Variants in FGF13 observed in about 807,000 individuals in gnomAD.
FGF13 encodes the protein fibroblast growth factor 13.
Under a neutral mutation model 19.5 loss-of-function variants are expected in FGF13, and 2 were observed. That is an observed-to-expected ratio of 0.10 (90% confidence interval 0.04 to 0.32). FGF13 has a LOEUF of 0.32. Ranked by LOEUF, FGF13 falls within the 10% of genes least tolerant of loss-of-function variation. The pLI is 1.00. For synonymous variants in FGF13, 72 were observed against 76.9 expected, an observed-to-expected ratio of 0.94 and a Z score of 0.33; for missense variants, 113 against 192.7, an observed-to-expected ratio of 0.59 and a Z score of 2.45.
intron 2 of FGF13, among the ~76,000 whole-genome samples, chrX:138,703,926 C>T (rs923345778): frequency 2.7e-5 from 3 of 111,008 alleles, no homozygotes; most frequent in African/African-American, 9.8e-5. Flanking sequence ...GTTGGTCAGG[C>T]TGGTCTCGAA....
chrX:138,826,000 G>A (rs1268426103), intron 3 of FGF13, among the ~76,000 whole-genome samples: 1 of 111,399 alleles, frequency 9.0e-6, no homozygotes, highest in Non-Finnish European at 1.9e-5. Context: ...CTATGAGGAC[G>A]TCTAGACCTC....
At chrX:138,987,919 G>A (rs2092000324) in intron 1 of FGF13, among the ~76,000 whole-genome samples, 1 of 111,807 alleles carries the variant, frequency 8.9e-6, no homozygotes, top group Admixed American at 9.5e-5. Flanking sequence ...ACAATACCTT[G>A]GAGGATAGGA....
chrX:138,717,159 C>T (rs1015326950), intron 1 of FGF13, among the ~76,000 whole-genome samples: 7 of 111,749 alleles, frequency 6.3e-5, no homozygotes, highest in Admixed American at 2.9e-4. Flanking sequence ...GCTGCAACAT[C>T]GAGAGTTCAA....
At chrX:138,640,668 C>T (rs939746445) in intron 3 of FGF13, among the ~76,000 whole-genome samples, 2 of 112,209 alleles carry the variant, frequency 1.8e-5, no homozygotes, top group Non-Finnish European at 3.8e-5. Context: ...GCTAAAATAT[C>T]TGTAAAACAT....
At chrX:138,706,320 G>A (rs747565942) in intron 2 of FGF13, among the ~76,000 whole-genome samples, 14 of 112,012 alleles carry the variant, frequency 1.2e-4, no homozygotes, top group African/African-American at 4.2e-4. Context: ...AATTTACAAT[G>A]GCTGATTTCC....
Position 138,626,039 on chromosome X carries a change from G to T in FGF13, c.*6811C>A, listed in dbSNP as rs1029287112. The T allele has an allele frequency of 3.4e-4, 38 of 110,405 alleles. No individual in the cohort carries two copies. The highest frequency in any genetic ancestry group is 1.3e-3 in the African/African-American group (37 of 29,386). The allele number at this position is 110,405 out of a possible 1,213,427, so 9.1% of individuals were successfully genotyped here. A position where few individuals can be genotyped will look rare whatever the true frequency, so the allele number is the denominator to read the frequency against. On this transcript the variant is annotated 3_prime_UTR_variant, in exon 5 of 5. Transcript: ENST00000315930. ...AAGGTTGTGAATCATACTTTGCTCA[G>T]AGTCTATTTTCTTTCTTTCATTTTG...
At chrX:138,827,366 G>A in intron 3 of FGF13, among the ~76,000 whole-genome samples, 1 of 111,694 alleles carries the variant, frequency 9.0e-6, no homozygotes, top group Non-Finnish European at 1.9e-5. Flanking sequence ...CTGTGGAAAT[G>A]ATTTTATATA....
At position 138,827,145 on chromosome X, in the gene FGF13, T is replaced by C. The variant is rs906469777; in HGVS notation, c.217+30367A>G. 6.2e-5 allele frequency among the ~76,000 whole-genome samples: 7 copies of C among 112,260 alleles called. No homozygotes were observed. The Admixed American group carries it at 6.6e-4, about 11-fold the overall frequency. The stretch of plus-strand genomic sequence containing the variant: ...TTTGTATCCAAGATAGAAAAAGGCA[T>C]TGAGAAGCAACTCCCTGGAAACTTC... On this transcript the variant is annotated intron_variant, in intron 3 of 6. Transcript: ENST00000436198.
At chrX:138,684,405 T>C in intron 3 of FGF13, among the ~76,000 whole-genome samples, 1 of 111,686 alleles carries the variant, frequency 9.0e-6, no homozygotes, top group East Asian at 2.8e-4. Flanking sequence ...TCTCTTATTA[T>C]GTGAAAGAGA....
At chrX:139,013,532 A>ATATAT (rs2092140356) in intron 1 of FGF13, among the ~76,000 whole-genome samples, 1 of 84,523 alleles carries the variant, frequency 1.2e-5, no homozygotes, top group African/African-American at 4.8e-5. Context: ...TATATATATA[A>ATATAT]AATGAAATAC....
intron 3 of FGF13, among the ~76,000 whole-genome samples, chrX:138,656,290 A>T (rs753481978): frequency 8.9e-6 from 1 of 111,939 alleles, no homozygotes; most frequent in East Asian, 2.8e-4. Flanking sequence ...GCTCAGTCAT[A>T]ATAATGGATA....
intron 3 of FGF13, among the ~76,000 whole-genome samples, chrX:138,832,827 T>G (rs1402494606): frequency 8.9e-6 from 1 of 112,290 alleles, no homozygotes; most frequent in East Asian, 2.8e-4. Flanking sequence ...CCTTCTTCAG[T>G]TGATTTTTGT....
intron 1 of FGF13, among the ~76,000 whole-genome samples, chrX:138,976,111 G>A (rs57917793): frequency 5.4e-5 from 6 of 111,437 alleles, no homozygotes; most frequent in Non-Finnish European, 9.4e-5. Context: ...TTTGTTATGC[G>A]CTGGACTCGG....
chrX:139,123,324 A>G lies in FGF13; in HGVS notation c.-113+80092T>C, dbSNP rs755914532. Among the ~76,000 whole-genome samples, 7 of 111,884 alleles carry G rather than the reference A, an allele frequency of 6.3e-5. No homozygotes were observed. In the South Asian group the frequency reaches 1.5e-3, roughly 24 times the overall value. Reference sequence around the variant, plus strand: ...TGCTCGCGTTCTTACCATGGCTTACAAGACCCTACAAGATCTGGCCTCTGC... The same window carrying G: ...TGCTCGCGTTCTTACCATGGCTTACGAGACCCTACAAGATCTGGCCTCTGC... On this transcript the variant is annotated intron_variant, in intron 1 of 2. Transcript: ENST00000421460.
chrX:138,711,797 TCCCACC>T (rs1236423017), upstream of FGF13: 2,839 of 344,043 alleles, frequency 8.3e-3, 28 homozygotes, highest in Admixed American at 0.014. Flanking sequence ...AGGCCGCCCC[TCCCACC>T]CCCACCCCCA....
chrX:139,144,367 C>G (rs2083870176), intron 1 of FGF13, among the ~76,000 whole-genome samples: 1 of 112,358 alleles, frequency 8.9e-6, no homozygotes, highest in African/African-American at 3.2e-5. Flanking sequence ...CTGCCTGAGA[C>G]ACTCCCCTTT....
At chrX:139,001,339 A>T (rs1329107783) in intron 1 of FGF13, among the ~76,000 whole-genome samples, 1 of 111,944 alleles carries the variant, frequency 8.9e-6, no homozygotes, top group African/African-American at 3.3e-5. Context: ...GACAAGTGGG[A>T]TCTAATTAAA....
At chrX:139,038,609 T>C (rs582470) in intron 1 of FGF13, among the ~76,000 whole-genome samples, 26,821 of 111,090 alleles carry the variant, frequency 0.24, 3,300 homozygotes, top group African/African-American at 0.47. Context: ...GATCTTTCTA[T>C]ATGCTGTTCC....
rs770861741 is a variant in FGF13 at position 138,633,627 on chromosome X, A to G, written c.602-641T>C. 4.5e-5 allele frequency among the ~76,000 whole-genome samples: 5 copies of G among 112,054 alleles called. No individual in the cohort carries two copies. In the South Asian group the frequency reaches 1.9e-3, roughly 42 times the overall value. ...ATAATTCTTGGTACAGTAAATGGTA[A>G]AATTTATTATTGTGCTATAAATAAA... On this transcript the variant is annotated intron_variant, in intron 4 of 4. Transcript: ENST00000315930.
Sources: gnomAD v4.1 joint callset for allele counts (sites outside exome capture counted in the v4.1 genomes callset) on GRCh38, gnomAD v4.1.1 for gene constraint, MANE v1.5 for transcripts, NCBI Gene and HGNC (gene_info 2026-07-23, HGNC 2026-07-21) for gene names.